Variants in SLC12A1 observed in about 807,000 individuals in gnomAD.
The protein encoded by SLC12A1 is Na-K-2Cl cotransporter.
SLC12A1 carries 89 observed loss-of-function variants against 130.4 expected under a neutral mutation model. The observed-to-expected ratio is 0.68, with a 90% CI of 0.58 to 0.81. The LOEUF is 0.81. Among genes scored for constraint, SLC12A1 ranks in the 40% least tolerant of loss-of-function variants. The pLI, the probability that SLC12A1 is intolerant of heterozygous loss-of-function variation, is 0.00. For missense variants in SLC12A1, 1,310 were observed against 1,336.4 expected (o/e 0.98, Z 0.31); for synonymous variants, 499 against 460.0 (o/e 1.08, Z -1.09).
chr15:48,241,766 G>A (rs2041519091), intron 10 of SLC12A1, among the ~76,000 whole-genome samples, 167 bp downstream of exon 10: 1 of 152,148 alleles, frequency 6.6e-6, no homozygotes, highest in South Asian at 2.1e-4. Flanking sequence ...TTAGGGATTT[G>A]AAGGCAATTA....
intron 13 of SLC12A1, among the ~76,000 whole-genome samples, chr15:48,247,961 G>A (rs1418308359): frequency 6.6e-6 from 1 of 152,200 alleles, no homozygotes; most frequent in Non-Finnish European, 1.5e-5. Context: ...GAGATTCGTA[G>A]ACCACTGGCA....
Position 48,234,983 on chromosome 15 carries a change from C to T in SLC12A1, c.1194C>T (p.Ala398=), listed in dbSNP as rs1441103337. The T allele has an allele frequency of 7.4e-6, 12 of 1,613,794 alleles. No individual in the cohort carries two copies. The highest frequency in any genetic ancestry group is 1.7e-5 in the Admixed American group (1 of 60,004). Residue 398 remains alanine (A), a synonymous_variant, in exon 9 of 27, where the codon GCC becomes GCT. Coordinates refer to ENST00000380993, the MANE Select transcript of SLC12A1 (RefSeq NM_000338.3). ...CAGCTACTGGGATTCTTGCTGGTGC[C>T]AATATCTCAGGAGATTTGGAGGTAC... ...FPAATGILAG[A]NISGDLEDPQ...
rs1318795841 is a variant in SLC12A1, at chr15:48,285,204, A to T, written c.2584A>T (p.Lys862Ter). ...EESGGIRGLF[K>*]KAGKLNITKT... Reference sequence around the variant, plus strand: ...AAGTGGAGGCATCCGAGGCTTGTTTAAAAAAGCTGGCAAGTTGAACATTAC... The same window carrying T: ...AAGTGGAGGCATCCGAGGCTTGTTTTAAAAAGCTGGCAAGTTGAACATTAC... Residue 862 changes from lysine to a stop codon, truncating the protein, a stop_gained, in exon 21 of 27, where the codon AAA becomes TAA. Transcript: ENST00000380993. LOFTEE classifies it high-confidence loss of function. 1.9e-6 allele frequency: 3 copies of T among 1,613,800 alleles called. No individual in the cohort carries two copies. Among genetic ancestry groups the T allele is most frequent in the Non-Finnish European group, 1.7e-6 (2 of 1,179,762 alleles).
At chr15:48,216,615 C>T (rs1946519779) in intron 2 of SLC12A1, among the ~76,000 whole-genome samples, 1 of 152,308 alleles carries the variant, frequency 6.6e-6, no homozygotes, top group Middle Eastern at 3.4e-3. Flanking sequence ...AAGTGAGTAA[C>T]TACTGATGGT....
intron 9 of SLC12A1, among the ~76,000 whole-genome samples, chr15:48,240,086 T>C (rs1212685397): frequency 1.8e-5 from 2 of 109,146 alleles, no homozygotes; most frequent in Non-Finnish European, 3.3e-5. Context: ...TATATATATA[T>C]ATATCCATAT....
intron 25 of SLC12A1, among the ~76,000 whole-genome samples, chr15:48,300,208 G>A (rs1188567835): frequency 6.6e-6 from 1 of 151,922 alleles, no homozygotes; most frequent in Non-Finnish European, 1.5e-5. Flanking sequence ...TAGCGTGTGT[G>A]TGGTCCCAGC....
chr15:48,214,696 AT>A (rs1378906806), intron 2 of SLC12A1, among the ~76,000 whole-genome samples: 5 of 152,192 alleles, frequency 3.3e-5, no homozygotes, highest in African/African-American at 1.2e-4. Flanking sequence ...TCATTCTGAA[AT>A]GAAGCTTAGG....
In SLC12A1 at chr15:48,250,676, T is replaced by TCACACACACACACACACACACACACACA. The variant is rs56705329; in HGVS notation, c.1787-935_1787-908dup. 1.3e-3 allele frequency among the ~76,000 whole-genome samples: 192 copies of TCACACACACACACACACACACACACACA among 146,018 alleles called. 3 individuals carry two copies. The highest frequency in any genetic ancestry group is 4.2e-3 in the South Asian group (19 of 4,546). ...TACACAAACCCAGAAAATGTCTGCCTCACACACACACACACACACACACAC... is the reference window on the plus strand; with the variant it reads ...TACACAAACCCAGAAAATGTCTGCCTCACACACACACACACACACACACACACACACACACACACACACACACACACAC... On this transcript the variant is annotated intron_variant, in intron 14 of 26. Coordinates refer to ENST00000380993, the MANE Select transcript of SLC12A1 (RefSeq NM_000338.3).
At chr15:48,282,052 C>T (rs1300006866) in intron 20 of SLC12A1, among the ~76,000 whole-genome samples, 2 of 152,114 alleles carry the variant, frequency 1.3e-5, no homozygotes, top group Non-Finnish European at 2.9e-5. Flanking sequence ...AAGGAGTGCA[C>T]AGAAGGAGGC....
At chr15:48,229,130 C>T (rs886927780) in intron 5 of SLC12A1, 59 bp from the exon 6 acceptor site, 12 of 1,506,432 alleles carry the variant, frequency 8.0e-6, no homozygotes, top group Middle Eastern at 1.7e-4. Context: ...TAGTCACAAT[C>T]GTTTGGTTAT....
At chr15:48,263,931 G>A (rs930766740) in intron 17 of SLC12A1, among the ~76,000 whole-genome samples, 6 of 152,010 alleles carry the variant, frequency 3.9e-5, no homozygotes, top group Non-Finnish European at 2.9e-5. Context: ...GGGCTCAAGC[G>A]ATTTGCCCTC....
At chr15:48,240,784 C>T (rs1410302262) in intron 9 of SLC12A1, among the ~76,000 whole-genome samples, 1 of 152,042 alleles carries the variant, frequency 6.6e-6, no homozygotes, top group Non-Finnish European at 1.5e-5. Context: ...GAATTGAATA[C>T]AATTCAATAT....
chr15:48,259,616 G>T (rs1454387801), intron 17 of SLC12A1, among the ~76,000 whole-genome samples: 1 of 152,156 alleles, frequency 6.6e-6, no homozygotes, highest in Non-Finnish European at 1.5e-5. Context: ...GGCATTTGGG[G>T]TGATAACTGT....
intron 7 of SLC12A1, among the ~76,000 whole-genome samples, chr15:48,232,228 C>A (rs1165493733): frequency 6.6e-6 from 1 of 152,212 alleles, no homozygotes; most frequent in East Asian, 1.9e-4. Context: ...GACCAGTCAA[C>A]TTTGCAGACT....
intron 13 of SLC12A1, 78 bp downstream of exon 13, chr15:48,247,538 A>C (rs1597425429): frequency 8.7e-7 from 1 of 1,143,294 alleles, no homozygotes; most frequent in South Asian, 1.6e-5. Context: ...TTTAGTTTGA[A>C]AAATTACTCG....
intron 5 of SLC12A1, chr15:48,227,050 CCAAA>C (rs751628861): frequency 1.3e-6 from 2 of 1,500,888 alleles, no homozygotes; most frequent in South Asian, 2.4e-5. Context: ...AGTACTGGAA[CCAAA>C]CACCTTTCTT....
intron 25 of SLC12A1, among the ~76,000 whole-genome samples, chr15:48,299,846 G>A (rs1280248208): frequency 3.9e-5 from 6 of 152,172 alleles, no homozygotes; most frequent in Non-Finnish European, 5.9e-5. Context: ...TGAAGTTGGT[G>A]ATAATGAGAA....
At chr15:48,292,011 A>G (rs2042126622) in intron 24 of SLC12A1, 147 bp downstream of exon 24, 1 of 603,410 alleles carries the variant, frequency 1.7e-6, no homozygotes, top group Non-Finnish European at 2.9e-6. Context: ...AATAAGCATG[A>G]CATGGAACTA....
rs894178810 is a variant in SLC12A1 at position 48,221,347 on chromosome 15, T to C, written c.628+351T>C. 8.5e-6 allele frequency: 6 copies of C among 701,908 alleles called. No homozygotes were observed. The African/African-American group carries it at 1.0e-4, about 12-fold the overall frequency. 43.5% of individuals were successfully genotyped at this position (701,908 alleles called of 1,614,324 possible). On this transcript the variant is annotated intron_variant, in intron 4 of 26. Transcript: ENST00000380993. ...CCTCTCATTTGTTACAGAGTATCCTTCTTGGCATGATTGGTAAAACTTCAC... is the reference window on the plus strand; with the variant it reads ...CCTCTCATTTGTTACAGAGTATCCTCCTTGGCATGATTGGTAAAACTTCAC...
Sources: allele counts gnomAD v4.1 joint callset (sites outside exome capture counted in the v4.1 genomes callset), GRCh38; gene constraint gnomAD v4.1.1; transcripts MANE v1.5; gene names NCBI Gene and HGNC (gene_info 2026-07-23, HGNC 2026-07-21).